The following IPMK variants were observed in gnomAD, a reference collection of about 807,000 sequenced individuals.
IPMK encodes the protein inositol 1,3,4,6-tetrakisphosphate 5-kinase.
Under a neutral mutation model 45.8 loss-of-function variants are expected in IPMK, and 17 were observed. The ratio of observed to expected loss-of-function variants is 0.37; its 90% CI spans 0.25 to 0.56. The LOEUF is 0.56. IPMK is among the 20% of genes least tolerant of loss of function. IPMK has a pLI of 0.79. For synonymous variants in IPMK, 180 were observed against 184.3 expected (o/e 0.98, Z 0.19); for missense variants, 399 against 498.0 (o/e 0.80, Z 1.89).
chr10:58,249,327 C>T (rs766098715), intron 1 of IPMK, among the ~76,000 whole-genome samples: 2 of 152,130 alleles, frequency 1.3e-5, no homozygotes, highest in Non-Finnish European at 2.9e-5. Context: ...CTCAAGCAAT[C>T]CTCCCACCCC....
intron 1 of IPMK, among the ~76,000 whole-genome samples, chr10:58,254,251 TTAGA>T (rs1260949132): frequency 2.0e-5 from 3 of 152,200 alleles, no homozygotes; most frequent in African/African-American, 7.2e-5. Flanking sequence ...GCTCCTCTGT[TTAGA>T]TAACTTCATA....
intron 1 of IPMK, among the ~76,000 whole-genome samples, chr10:58,240,654 C>T (rs1475774346): frequency 6.9e-6 from 1 of 144,334 alleles, no homozygotes; most frequent in African/African-American, 2.6e-5. Flanking sequence ...AGACATACAC[C>T]ACGAAAAAAA....
chr10:58,213,954 T>C (rs985680743), intron 4 of IPMK, among the ~76,000 whole-genome samples: 1 of 152,156 alleles, frequency 6.6e-6, no homozygotes, highest in Non-Finnish European at 1.5e-5. Flanking sequence ...ATGAGCCAAA[T>C]ACTGAATGGG....
intron 1 of IPMK, among the ~76,000 whole-genome samples, chr10:58,254,051 G>A (rs745830409): frequency 1.2e-4 from 19 of 152,188 alleles, no homozygotes; most frequent in Non-Finnish European, 2.2e-4. Context: ...TAATCTTTGA[G>A]CTTCCTTTAC....
At chr10:58,264,246 A>T (rs529489527) in intron 1 of IPMK, among the ~76,000 whole-genome samples, 1 of 152,344 alleles carries the variant, frequency 6.6e-6, no homozygotes, top group South Asian at 2.1e-4. Flanking sequence ...TTGCATTGAG[A>T]GATAATAAAA....
intron 4 of IPMK, among the ~76,000 whole-genome samples, chr10:58,206,005 A>C (rs1404035789): frequency 6.6e-6 from 1 of 152,194 alleles, no homozygotes; most frequent in East Asian, 1.9e-4. Context: ...CTTCTATACA[A>C]ATGTTCATAA....
chr10:58,223,371 C>T (rs1000504004), intron 3 of IPMK, among the ~76,000 whole-genome samples: 1 of 151,916 alleles, frequency 6.6e-6, no homozygotes, highest in Non-Finnish European at 1.5e-5. Flanking sequence ...AGAAAAATCT[C>T]GAAAAATCTA....
rs1348340373 is a variant in IPMK, at chr10:58,259,471, TGAA to T, written c.190+7948_190+7950del. Among the ~76,000 whole-genome samples the T allele has an allele frequency of 3.8e-4, 58 of 151,236 alleles. 2 individuals are homozygous for T. The highest frequency in any genetic ancestry group is 1.3e-3 in the African/African-American group (55 of 41,150). On this transcript the variant is annotated intron_variant, in intron 1 of 5. Transcript: ENST00000373935. Reference sequence around the variant, plus strand: ...AAAATCCACCTTAATAATGAATGAATGAATGAATGAATGAATGAATGAGGAGGG... The same window carrying T: ...AAAATCCACCTTAATAATGAATGAATTGAATGAATGAATGAATGAGGAGGG...
In IPMK at chr10:58,193,665, ATTAC is replaced by A. The variant is rs1019918461; in HGVS notation, c.*2407_*2410del. ...ATTCCATAAGAAATACACTAAAATCATTACTTATGTTTCATAGGGGAAAAAAAAC... is the reference window on the plus strand; with the variant it reads ...ATTCCATAAGAAATACACTAAAATCATTATGTTTCATAGGGGAAAAAAAAC... On this transcript the variant is annotated 3_prime_UTR_variant, in exon 6 of 6. Coordinates refer to ENST00000373935, the MANE Select transcript of IPMK (RefSeq NM_152230.5). 22 of 151,900 alleles carry A rather than the reference ATTAC, an allele frequency of 1.4e-4. No individual in the cohort carries two copies. The highest frequency in any genetic ancestry group is 4.1e-4 in the African/African-American group (17 of 41,540). 9.4% of individuals were successfully genotyped at this position (151,900 alleles called of 1,614,324 possible).
At chr10:58,241,654 A>G (rs1455809739) in intron 1 of IPMK, among the ~76,000 whole-genome samples, 1 of 152,118 alleles carries the variant, frequency 6.6e-6, no homozygotes, top group African/African-American at 2.4e-5. Flanking sequence ...TTTGGTTCCT[A>G]GTATGGACTC....
chr10:58,251,566 C>G (rs1838880644), intron 1 of IPMK, among the ~76,000 whole-genome samples: 1 of 152,106 alleles, frequency 6.6e-6, no homozygotes, highest in African/African-American at 2.4e-5. Context: ...TGTCTATTGC[C>G]AAAAGTGGGG....
intron 4 of IPMK, among the ~76,000 whole-genome samples, chr10:58,200,636 T>G (rs188636562): frequency 6.6e-6 from 1 of 152,202 alleles, no homozygotes; most frequent in Non-Finnish European, 1.5e-5. Flanking sequence ...ATTTATTAAA[T>G]TGTGTTAGTC....
chr10:58,264,614 G>C (rs1409365254), intron 1 of IPMK, among the ~76,000 whole-genome samples: 1 of 152,018 alleles, frequency 6.6e-6, no homozygotes, highest in Non-Finnish European at 1.5e-5. Flanking sequence ...TACAGAGATA[G>C]GTACACAACG....
intron 3 of IPMK, among the ~76,000 whole-genome samples, chr10:58,224,597 G>GA (rs1838386107): frequency 6.6e-6 from 1 of 152,040 alleles, no homozygotes; most frequent in Non-Finnish European, 1.5e-5. Context: ...AAAATTAAAA[G>GA]AAAAAACCTC....
chr10:58,194,475 A>T lies in IPMK; in HGVS notation c.*1601T>A, dbSNP rs1837863225. On this transcript the variant is annotated 3_prime_UTR_variant, in exon 6 of 6. Transcript: ENST00000373935. ...ATTTTGCTATTACAAAATGAACATG[A>T]TCTTTTAAATTATTCAGGTTTAATA... 1 of 151,896 alleles carries T rather than the reference A, an allele frequency of 6.6e-6. No individual in the cohort carries two copies. Among genetic ancestry groups the T allele is most frequent in the Non-Finnish European group, 1.5e-5 (1 of 67,784 alleles). 9.4% of individuals were successfully genotyped at this position (151,896 alleles called of 1,614,324 possible). A position where few individuals can be genotyped will look rare whatever the true frequency, so the allele number is the denominator to read the frequency against.
chr10:58,232,136 C>A (rs1301266440), intron 2 of IPMK, among the ~76,000 whole-genome samples: 1 of 152,134 alleles, frequency 6.6e-6, no homozygotes, highest in African/African-American at 2.4e-5. Context: ...AGTTAACTAT[C>A]CTAAATATAT....
Position 58,194,242 on chromosome 10 carries a change from G to A in IPMK, c.*1834C>T, listed in dbSNP as rs1408829133. The A allele has an allele frequency of 6.6e-6, 1 of 151,664 alleles. No homozygotes were observed. Among genetic ancestry groups the A allele is most frequent in the African/African-American group, 2.4e-5 (1 of 41,372 alleles). The allele number at this position is 151,664 out of a possible 1,614,324, so 9.4% of individuals were successfully genotyped here. Reference sequence around the variant, plus strand: ...GATTCAAAATAGTGTTTAATTATCTGAGCTTAAGATTTATTGAACCACTAT... The same window carrying A: ...GATTCAAAATAGTGTTTAATTATCTAAGCTTAAGATTTATTGAACCACTAT... On this transcript the variant is annotated 3_prime_UTR_variant, in exon 6 of 6. Coordinates refer to ENST00000373935, the MANE Select transcript of IPMK (RefSeq NM_152230.5).
chr10:58,248,805 T>C lies in IPMK; in HGVS notation c.191-10991A>G, dbSNP rs1838841365. On this transcript the variant is annotated intron_variant, in intron 1 of 5. Transcript: ENST00000373935. ...AGGTCATGTGTTATTCGTCTTTCCA[T>C]GCCTGGTTTATTTCACTTCATATAA... Among the ~76,000 whole-genome samples the C allele has an allele frequency of 2.0e-5, 3 of 152,354 alleles. No individual in the cohort carries two copies. In the South Asian group the frequency reaches 6.2e-4, roughly 32 times the overall value.
intron 4 of IPMK, among the ~76,000 whole-genome samples, chr10:58,214,751 T>C (rs116115685): frequency 0.061 from 9,248 of 152,288 alleles, 330 homozygotes; most frequent in African/African-American, 0.087. Flanking sequence ...TACATATAGA[T>C]AAACAAGTAT....
Sources: allele counts gnomAD v4.1 joint callset (sites outside exome capture counted in the v4.1 genomes callset), GRCh38; gene constraint gnomAD v4.1.1; transcripts MANE v1.5; gene names NCBI Gene and HGNC (gene_info 2026-07-23, HGNC 2026-07-21).